PPP2R2B: variants seen among roughly 807,000 people sequenced by gnomAD.
PPP2R2B encodes the protein protein phosphatase 2 regulatory subunit Bbeta.
PPP2R2B carries 5 observed loss-of-function variants against 46.0 expected under a neutral mutation model. The observed-to-expected ratio is 0.11, with a 90% confidence interval of 0.06 to 0.23. The LOEUF is 0.23. PPP2R2B is among the 10% of genes least tolerant of loss of function. The pLI, the probability that PPP2R2B is intolerant of heterozygous loss-of-function variation, is 1.00. For synonymous variants in PPP2R2B, 215 were observed against 206.7 expected, an observed-to-expected ratio of 1.04 and a Z score of -0.34; for missense variants, 367 against 575.0, an observed-to-expected ratio of 0.64 and a Z score of 3.70.
intron 1 of PPP2R2B, among the ~76,000 whole-genome samples, chr5:146,957,337 A>G (rs915697638): frequency 1.3e-5 from 2 of 152,216 alleles, no homozygotes; most frequent in African/African-American, 4.8e-5. Context: ...AGAAGCTCAT[A>G]GTTCAGAATG....
At position 146,760,122 on chromosome 5, in the gene PPP2R2B, C is replaced by G. The variant is rs143662615; in HGVS notation, c.71-58980G>C. Among the ~76,000 whole-genome samples the G allele has an allele frequency of 5.3e-5, 8 of 152,256 alleles. No homozygotes were observed. The East Asian group carries it at 1.2e-3, about 22-fold the overall frequency. Reference sequence around the variant, plus strand: ...AGCATTTAGCACAGCATGTAACACACAGTAAACACGAATAAATTCAGCTGT... The same window carrying G: ...AGCATTTAGCACAGCATGTAACACAGAGTAAACACGAATAAATTCAGCTGT... On this transcript the variant is annotated intron_variant, in intron 2 of 9. Coordinates refer to ENST00000394411, the MANE Select transcript of PPP2R2B (RefSeq NM_181675.4).
chr5:147,075,573 A>G (rs1468027570), intron 2 of PPP2R2B, among the ~76,000 whole-genome samples: 1 of 152,130 alleles, frequency 6.6e-6, no homozygotes, highest in Admixed American at 6.6e-5. Context: ...TTTGTACCTC[A>G]TAGCTACTTC....
chr5:146,800,360 T>G (rs1035214505), intron 2 of PPP2R2B, among the ~76,000 whole-genome samples: 2 of 152,106 alleles, frequency 1.3e-5, no homozygotes, highest in African/African-American at 4.8e-5. Flanking sequence ...GGTACCAGAA[T>G]GGCATCAAGG....
chr5:146,857,426 T>C (rs1001660296), intron 2 of PPP2R2B, among the ~76,000 whole-genome samples: 1 of 152,218 alleles, frequency 6.6e-6, no homozygotes, highest in Non-Finnish European at 1.5e-5. Flanking sequence ...AATTTTTTAG[T>C]ATCTTAAATT....
At chr5:146,616,091 T>G (rs1343200205) in intron 7 of PPP2R2B, among the ~76,000 whole-genome samples, 2 of 151,980 alleles carry the variant, frequency 1.3e-5, no homozygotes, top group African/African-American at 4.8e-5. Context: ...ATATCTACAG[T>G]GAACTCATTT....
chr5:146,891,420 G>A (rs1762487811), intron 1 of PPP2R2B, among the ~76,000 whole-genome samples: 1 of 152,214 alleles, frequency 6.6e-6, no homozygotes, highest in Admixed American at 6.5e-5. Context: ...CACTGTCATT[G>A]TCTACATGGA....
chr5:146,941,071 TGTC>T (rs1764307385), intron 1 of PPP2R2B, among the ~76,000 whole-genome samples: 2 of 152,120 alleles, frequency 1.3e-5, no homozygotes, highest in Admixed American at 1.3e-4. Flanking sequence ...CCTGGAGACT[TGTC>T]TTCTTTGTTC....
At chr5:146,618,467 C>T (rs889841295) in intron 7 of PPP2R2B, among the ~76,000 whole-genome samples, 3 of 152,188 alleles carry the variant, frequency 2.0e-5, no homozygotes, top group Admixed American at 1.3e-4. Flanking sequence ...TTATTTTAAG[C>T]CACTAAGTTC....
intron 1 of PPP2R2B, among the ~76,000 whole-genome samples, chr5:146,927,929 A>G (rs1763836004): frequency 6.6e-6 from 1 of 151,846 alleles, no homozygotes. Flanking sequence ...TTTAGTAGAG[A>G]CGGGGTTTCA....
At chr5:147,050,689 C>CAT (rs397810071) in intron 1 of PPP2R2B, among the ~76,000 whole-genome samples, 27 of 151,734 alleles carry the variant, frequency 1.8e-4, no homozygotes, top group African/African-American at 4.8e-4. Context: ...CACACACACA[C>CAT]GCATCCATAC....
intron 1 of PPP2R2B, among the ~76,000 whole-genome samples, chr5:146,907,064 G>C (rs1177158917): frequency 6.6e-6 from 1 of 152,136 alleles, no homozygotes; most frequent in Non-Finnish European, 1.5e-5. Context: ...ATTGTGGTGA[G>C]GACAGAAGAT....
At chr5:146,814,843 T>C (rs1757833527) in intron 2 of PPP2R2B, among the ~76,000 whole-genome samples, 1 of 152,180 alleles carries the variant, frequency 6.6e-6, no homozygotes. Flanking sequence ...AACTGCGCAC[T>C]TGATCTCTCA....
At chr5:146,967,347 C>T (rs1295740368) in intron 1 of PPP2R2B, among the ~76,000 whole-genome samples, 1 of 152,140 alleles carries the variant, frequency 6.6e-6, no homozygotes, top group Non-Finnish European at 1.5e-5. Context: ...AAATTAGCTA[C>T]AATTTATTGA....
intron 2 of PPP2R2B, among the ~76,000 whole-genome samples, chr5:146,758,180 C>G (rs1753952311): frequency 6.6e-6 from 1 of 152,126 alleles, no homozygotes; most frequent in Admixed American, 6.5e-5. Flanking sequence ...CTCATACAAG[C>G]ATTCTCCTTG....
intron 2 of PPP2R2B, among the ~76,000 whole-genome samples, chr5:146,832,597 GC>G (rs1179680671): frequency 6.6e-6 from 1 of 151,492 alleles, no homozygotes; most frequent in Non-Finnish European, 1.5e-5. Flanking sequence ...TTTCATATTG[GC>G]CAGGCTGGTC....
chr5:146,691,594 A>ATCC (rs1437014343), intron 4 of PPP2R2B, among the ~76,000 whole-genome samples: 7 of 152,174 alleles, frequency 4.6e-5, no homozygotes, highest in Non-Finnish European at 7.4e-5. Flanking sequence ...TACATGAAAA[A>ATCC]TTGGTTTAAC....
intron 2 of PPP2R2B, among the ~76,000 whole-genome samples, chr5:146,808,999 G>A (rs982979165): frequency 2.4e-4 from 36 of 151,752 alleles, no homozygotes; most frequent in Non-Finnish European, 3.7e-4. Context: ...GTGTGTGCGC[G>A]CGCACCCACT....
chr5:147,056,787 G>T (rs770757605), upstream of PPP2R2B, among the ~76,000 whole-genome samples: 2 of 152,018 alleles, frequency 1.3e-5, no homozygotes, highest in African/African-American at 4.8e-5. Context: ...GTTTGGTTTT[G>T]GTCCATGAAA....
At chr5:146,947,653 G>A (rs1379179357) in intron 1 of PPP2R2B, among the ~76,000 whole-genome samples, 1 of 151,932 alleles carries the variant, frequency 6.6e-6, no homozygotes, top group Non-Finnish European at 1.5e-5. Context: ...ACTGCTTGAT[G>A]AGGCAATACA....
Sources: allele counts gnomAD v4.1 joint callset (sites outside exome capture counted in the v4.1 genomes callset), GRCh38; gene constraint gnomAD v4.1.1; transcripts MANE v1.5; gene names NCBI Gene and HGNC (gene_info 2026-07-23, HGNC 2026-07-21).